The following CERCAM variants were observed in gnomAD, a reference collection of about 807,000 sequenced individuals.
CERCAM encodes the protein inactive glycosyltransferase 25 family member 3.
CERCAM carries 59 observed loss-of-function variants against 66.0 expected under a neutral mutation model. That is an observed-to-expected ratio of 0.89 (90% CI 0.73 to 1.11). The LOEUF is 1.11. Among genes scored for constraint, CERCAM ranks in the 50% most tolerant of loss-of-function variants. CERCAM has a pLI of 0.00. For synonymous variants in CERCAM, 318 were observed against 343.6 expected (o/e 0.93, Z 0.83); for missense variants, 840 against 828.3 (o/e 1.01, Z -0.17).
At chr9:128,436,387 A>G (rs1258992121) in intron 12 of CERCAM, among the ~76,000 whole-genome samples, 1 of 152,122 alleles carries the variant, frequency 6.6e-6, no homozygotes, top group African/African-American at 2.4e-5. Flanking sequence ...AGTTGGGACT[A>G]CAGGCGCCCA....
At position 128,434,328 on chromosome 9, in the gene CERCAM, T is replaced by G. The variant is rs1278595151; in HGVS notation, c.1332-82T>G. On this transcript the variant is annotated intron_variant, in intron 10 of 12. Coordinates refer to ENST00000372838, the MANE Select transcript of CERCAM (RefSeq NM_016174.5). This position sits in a 1 kb window ranked among gnomAD's most constrained non-coding sequence, Gnocchi z 4.5. ...CTGGCCGGCCCATCCCCTGAGAGCC[T>G]GGCCCTGTAGGAGCGGGTGTGGGAG... The G allele has an allele frequency of 5.6e-6, 9 of 1,602,738 alleles. No homozygotes were observed. The highest frequency in any genetic ancestry group is 7.7e-6 in the Non-Finnish European group (9 of 1,172,506).
At chr9:128,435,928 C>T in intron 12 of CERCAM, 23 bp downstream of exon 12, 1 of 1,582,498 alleles carries the variant, frequency 6.3e-7, no homozygotes. Flanking sequence ...CGGGAAGAGG[C>T]CCCAGCCCCG....
chr9:128,436,570 G>A (rs1432250500), intron 12 of CERCAM, among the ~76,000 whole-genome samples: 5 of 151,990 alleles, frequency 3.3e-5, no homozygotes, highest in African/African-American at 1.2e-4. Context: ...AGTAGAGACA[G>A]GGTGTCATCA....
intron 5 of CERCAM, among the ~76,000 whole-genome samples, chr9:128,427,204 C>G (rs1265791405): frequency 6.6e-6 from 1 of 152,050 alleles, no homozygotes; most frequent in Non-Finnish European, 1.5e-5. Flanking sequence ...CCTCTGCCTC[C>G]CGGGTTCAAG....
rs772671574 is a variant in CERCAM, at chr9:128,431,151, G to A, written c.1071-20G>A. On this transcript the variant is annotated intron_variant, in intron 8 of 12. Transcript: ENST00000372838. The stretch of plus-strand genomic sequence containing the variant: ...GTCTCTGGCAGGCACCCCTCACCCC[G>A]CCACACCTGTGTCCCTCAGGATGCT... 42 of 1,611,706 alleles carry A rather than the reference G, an allele frequency of 2.6e-5. No individual in the cohort carries two copies. The highest frequency in any genetic ancestry group is 1.6e-4 in the African/African-American group (12 of 74,866).
At chr9:128,420,787 G>C, upstream of CERCAM, 1 of 440,224 alleles carries the variant, frequency 2.3e-6, no homozygotes, top group Non-Finnish European at 3.4e-6. The surrounding 1 kb of genome is among the most constrained non-coding windows in gnomAD (Gnocchi z 5.0). Flanking sequence ...CTCCGGGTCT[G>C]CCTCGGCCCC....
rs146388506 is a variant in CERCAM, at chr9:128,434,551, G to A, written c.1473G>A (p.Gln491=). 6.2e-7 allele frequency: 1 copy of A among 1,611,932 alleles called. No homozygotes were observed. Among genetic ancestry groups the A allele is most frequent in the Non-Finnish European group, 8.5e-7 (1 of 1,179,956 alleles). ...GTGCCCGCAAGCTGCTGGCCTCACA[G>A]CCTCTGCGCCGCATGCTGCCCGTGG... The part of the protein sequence containing the change: ...LAGARKLLAS[Q]PLRRMLPVDE... Residue 491 remains glutamine (Q), a synonymous_variant, in exon 11 of 13, where the codon CAG becomes CAA. Coordinates refer to ENST00000372838, the MANE Select transcript of CERCAM (RefSeq NM_016174.5). This position sits in a 1 kb window ranked among gnomAD's most constrained non-coding sequence, Gnocchi z 4.5.
At position 128,435,784 on chromosome 9, in the gene CERCAM, A is replaced by C; in HGVS notation, c.1667A>C (p.Asp556Ala). The change falls in exon 12 of 13, where the codon GAT becomes GCT. Residue 556 changes from aspartate to alanine, a missense_variant. Transcript: ENST00000372838. ...LSDTETSSPWDDDSGRLISWS... is the reference protein window; with the variant it reads ...LSDTETSSPWADDSGRLISWS... ...GACACGGAGACATCCTCTCCATGGG[A>C]TGATGACAGCGGCCGCCTCATCAGC... 1 of 1,613,044 alleles carries C rather than the reference A, an allele frequency of 6.2e-7. No homozygotes were observed. Among genetic ancestry groups the C allele is most frequent in the South Asian group, 1.1e-5 (1 of 90,936 alleles).
At chr9:128,422,105 G>A (rs1833722940) in intron 1 of CERCAM, 1 of 152,458 alleles carries the variant, frequency 6.6e-6, no homozygotes, top group Admixed American at 6.5e-5. Flanking sequence ...ACCTGGGGGT[G>A]GAGGAAAGCA....
Position 128,434,988 on chromosome 9 carries a change from ATTTAT to A in CERCAM, c.1535+378_1535+382del, listed in dbSNP as rs1442813465. On this transcript the variant is annotated intron_variant, in intron 11 of 12. Transcript: ENST00000372838. The surrounding 1 kb of genome is among the most constrained non-coding windows in gnomAD (Gnocchi z 4.5). ...CACCACACCCTGCTAATTTTTATTT[ATTTAT>A]TTATTTATTTATTTATTTTTGAGAT... 1.3e-5 allele frequency among the ~76,000 whole-genome samples: 2 copies of A among 149,274 alleles called. No individual in the cohort carries two copies. The highest frequency in any genetic ancestry group is 4.9e-5 in the African/African-American group (2 of 40,540).
intron 3 of CERCAM, among the ~76,000 whole-genome samples, chr9:128,423,690 A>G (rs1833768718): frequency 6.6e-6 from 1 of 152,048 alleles, no homozygotes; most frequent in Admixed American, 6.6e-5. Context: ...TCGGCAGGCT[A>G]TCTGGGCCAG....
Position 128,434,151 on chromosome 9 carries a change from G to A in CERCAM, c.1253G>A (p.Arg418His), listed in dbSNP as rs141407199. ...GTCCTGGTGTTTGAGGATGACGTGC[G>A]CTTTGAGAGCAACTTCAGGGGGCGG... ...ARVLVFEDDV[R>H]FESNFRGRLE... The change falls in exon 10 of 13, where the codon CGC (arginine) becomes CAC (histidine). Residue 418 changes from arginine to histidine, a missense_variant. Transcript: ENST00000372838. The surrounding 1 kb of genome is among the most constrained non-coding windows in gnomAD (Gnocchi z 4.5). The A allele has an allele frequency of 2.7e-5, 43 of 1,614,000 alleles. No individual in the cohort carries two copies. Among genetic ancestry groups the A allele is most frequent in the African/African-American group, 1.7e-4 (13 of 74,906 alleles).
Position 128,428,303 on chromosome 9 carries a change from G to A in CERCAM, c.768G>A (p.Gly256=). The A allele has an allele frequency of 6.2e-7, 1 of 1,613,808 alleles. No individual in the cohort carries two copies. The highest frequency in any genetic ancestry group is 8.5e-7 in the Non-Finnish European group (1 of 1,179,862). ...CTCTCACTCAGCCTGTCTCTGCAGG[G>A]GTCTCCGTCCACGTGTGCAATGAGC... ...IVFAYACQAA[G]VSVHVCNEHR... The change falls in exon 6 of 13, where the codon GGG becomes GGA. Residue 256 remains glycine, a splice_region_variant and synonymous_variant. Coordinates refer to ENST00000372838, the MANE Select transcript of CERCAM (RefSeq NM_016174.5).
At chr9:128,420,711 A>T (rs1471594471), upstream of CERCAM, 1 of 256,256 alleles carries the variant, frequency 3.9e-6, no homozygotes, top group Non-Finnish European at 7.2e-6. This position sits in a 1 kb window ranked among gnomAD's most constrained non-coding sequence, Gnocchi z 5.0. Flanking sequence ...AAGGAGAGAA[A>T]ACTTGAGCAT....
chr9:128,425,023 G>C (rs1833809409), intron 5 of CERCAM, among the ~76,000 whole-genome samples: 1 of 135,208 alleles, frequency 7.4e-6, no homozygotes. Flanking sequence ...CGCCCAGCCA[G>C]TGGTTACTTT....
chr9:128,420,249 G>A (rs1280238560), upstream of CERCAM: 9 of 152,326 alleles, frequency 5.9e-5, no homozygotes, highest in Non-Finnish European at 1.3e-4. The surrounding 1 kb of genome is among the most constrained non-coding windows in gnomAD (Gnocchi z 5.0). Context: ...GACTTAAGGA[G>A]CGGACCGCCG....
At chr9:128,432,245 C>G (rs1360708268) in intron 9 of CERCAM, among the ~76,000 whole-genome samples, 1 of 152,042 alleles carries the variant, frequency 6.6e-6, no homozygotes, top group Non-Finnish European at 1.5e-5. Context: ...AGGCTGGTCT[C>G]GAACTTCCAA....
intron 5 of CERCAM, among the ~76,000 whole-genome samples, chr9:128,425,516 T>C (rs915831398): frequency 4.9e-5 from 7 of 142,280 alleles, no homozygotes; most frequent in East Asian, 2.0e-4. Flanking sequence ...TTTTCTGCCC[T>C]TTTTTTTTTT....
At chr9:128,419,807 G>A (rs553348525), upstream of CERCAM, 8 of 150,960 alleles carry the variant, frequency 5.3e-5, no homozygotes, top group African/African-American at 1.9e-4. Context: ...GTCGCAGTGA[G>A]CAGCTCCGTG....
Sources: gnomAD v4.1 joint callset for allele counts (sites outside exome capture counted in the v4.1 genomes callset) on GRCh38, gnomAD v4.1.1 for gene constraint, Gnocchi (gnomAD v3.1) non-coding constraint, MANE v1.5 for transcripts, NCBI Gene and HGNC (gene_info 2026-07-23, HGNC 2026-07-21) for gene names.